The following GPM6B variants were observed in gnomAD, a reference collection of about 807,000 sequenced individuals.
GPM6B encodes glycoprotein M6B, also known as neuronal membrane glycoprotein M6-b.
A neutral mutation model predicts 27.2 loss-of-function variants in GPM6B; 4 were observed. That is an observed-to-expected ratio of 0.15 (90% CI 0.07 to 0.34). The LOEUF is 0.34. Ranked by LOEUF, GPM6B falls within the 10% of genes least tolerant of loss-of-function variation. GPM6B has a pLI of 1.00. For missense variants in GPM6B, 183 were observed against 261.9 expected (o/e 0.70, Z 2.08); for synonymous variants, 124 against 103.1 (o/e 1.20, Z -1.23).
At chrX:13,878,995 GC>G (rs2050068060) in intron 1 of GPM6B, among the ~76,000 whole-genome samples, 1 of 112,115 alleles carries the variant, frequency 8.9e-6, no homozygotes, top group African/African-American at 3.2e-5. Flanking sequence ...CTGGATTTTA[GC>G]CCAGTGAGAC....
chrX:13,829,813 T>C (rs754730032), intron 1 of GPM6B, among the ~76,000 whole-genome samples: 1 of 110,860 alleles, frequency 9.0e-6, no homozygotes, highest in South Asian at 3.9e-4. Context: ...ATCTGTAGGA[T>C]ATTGCTAACA....
intron 7 of GPM6B, 40 bp from the exon 8 acceptor site, chrX:13,773,070 T>C: frequency 8.6e-7 from 1 of 1,167,500 alleles, no homozygotes; most frequent in Non-Finnish European, 1.2e-6. Flanking sequence ...GTGAGCATTG[T>C]GAGAAGGCAA....
At chrX:13,799,641 C>A (rs1189257830) in intron 2 of GPM6B, among the ~76,000 whole-genome samples, 1 of 110,383 alleles carries the variant, frequency 9.1e-6, no homozygotes, top group Non-Finnish European at 1.9e-5. Context: ...AAGTGATCAT[C>A]ATTCAACACT....
At chrX:13,918,262 G>A (rs530499626) in intron 1 of GPM6B, among the ~76,000 whole-genome samples, 10 of 112,987 alleles carry the variant, frequency 8.9e-5, no homozygotes, top group African/African-American at 2.9e-4. Flanking sequence ...CGTGCACAAC[G>A]ACAGTTGGGA....
At chrX:13,930,767 T>C (rs772717486) in intron 1 of GPM6B, among the ~76,000 whole-genome samples, 8 of 112,516 alleles carry the variant, frequency 7.1e-5, no homozygotes, top group Non-Finnish European at 1.3e-4. Context: ...TTTACCAAAA[T>C]TGAAACAAAG....
At chrX:13,901,371 T>C (rs1294395302) in intron 1 of GPM6B, among the ~76,000 whole-genome samples, 1 of 110,685 alleles carries the variant, frequency 9.0e-6, no homozygotes, top group Non-Finnish European at 1.9e-5. Flanking sequence ...CAAGGTTTCA[T>C]CTGCTCTCAT....
chrX:13,895,669 G>A (rs1174457387), intron 1 of GPM6B, among the ~76,000 whole-genome samples: 1 of 111,575 alleles, frequency 9.0e-6, no homozygotes, highest in Non-Finnish European at 1.9e-5. Context: ...TAGAACATCA[G>A]CTGTAAAAAA....
chrX:13,918,753 A>C (rs1270013914), intron 1 of GPM6B, among the ~76,000 whole-genome samples: 1 of 111,370 alleles, frequency 9.0e-6, no homozygotes, highest in African/African-American at 3.3e-5. Context: ...CAGGCACCTA[A>C]CATGGCCAGA....
intron 1 of GPM6B, among the ~76,000 whole-genome samples, chrX:13,883,679 G>A (rs1217753110): frequency 1.2e-5 from 1 of 84,398 alleles, no homozygotes; most frequent in Non-Finnish European, 2.3e-5. Flanking sequence ...GGAACATAAC[G>A]AGACTTCGTC....
rs139756572 is a variant in GPM6B at position 13,906,393 on chromosome X, T to C, written c.-198+31934A>G. Among the ~76,000 whole-genome samples the C allele has an allele frequency of 7.3e-3, 822 of 112,288 alleles. 2 individuals carry two copies. The highest frequency in any genetic ancestry group is 0.011 in the Non-Finnish European group (577 of 53,252). On this transcript the variant is annotated intron_variant, in intron 1 of 6. Transcript: ENST00000398361. ...GGAATCCAGTATAGGTCTGGCTGTT[T>C]CTAGGACACCATGTCCCTATTGGGG...
At chrX:13,906,407 T>C (rs1218295625) in intron 1 of GPM6B, among the ~76,000 whole-genome samples, 1 of 112,199 alleles carries the variant, frequency 8.9e-6, no homozygotes. Context: ...GGACACCATG[T>C]CCCTATTGGG....
intron 1 of GPM6B, among the ~76,000 whole-genome samples, chrX:13,838,827 C>T (rs2049537171): frequency 9.0e-6 from 1 of 111,551 alleles, no homozygotes; most frequent in South Asian, 3.8e-4. Flanking sequence ...TGTCCCTCTC[C>T]CTCAGGCCTA....
intron 2 of GPM6B, among the ~76,000 whole-genome samples, chrX:13,806,410 T>A (rs1294664613): frequency 8.9e-6 from 1 of 112,003 alleles, no homozygotes; most frequent in African/African-American, 3.3e-5. Flanking sequence ...TGACTTTTTT[T>A]AAATCAAGAT....
chrX:13,780,657 C>T (rs180680998), intron 4 of GPM6B, among the ~76,000 whole-genome samples: 2 of 112,082 alleles, frequency 1.8e-5, no homozygotes, highest in East Asian at 5.6e-4. Context: ...AGCAAAGCAA[C>T]GGCTTAGGGA....
At chrX:13,911,772 G>GT (rs2050380597) in intron 1 of GPM6B, among the ~76,000 whole-genome samples, 1 of 112,175 alleles carries the variant, frequency 8.9e-6, no homozygotes, top group African/African-American at 3.2e-5. Flanking sequence ...ATCTTATTGG[G>GT]TATTTGCCTG....
chrX:13,836,898 G>C (rs750357315), intron 1 of GPM6B, among the ~76,000 whole-genome samples: 1 of 111,731 alleles, frequency 9.0e-6, no homozygotes, highest in South Asian at 3.8e-4. Flanking sequence ...GCTAAGGAGT[G>C]CTCACGAGGA....
intron 5 of GPM6B, among the ~76,000 whole-genome samples, chrX:13,778,727 A>G (rs1051303133): frequency 1.8e-5 from 2 of 112,101 alleles, no homozygotes; most frequent in African/African-American, 6.5e-5. Flanking sequence ...ATTTGTGGCA[A>G]AACACTTACT....
chrX:13,808,372 G>A (rs2049062844), intron 1 of GPM6B, among the ~76,000 whole-genome samples: 1 of 112,064 alleles, frequency 8.9e-6, no homozygotes, highest in African/African-American at 3.2e-5. Context: ...ATACAGAAAG[G>A]GCTACTGGTC....
intron 1 of GPM6B, among the ~76,000 whole-genome samples, chrX:13,923,116 C>T (rs767196768): frequency 1.2e-3 from 127 of 109,547 alleles, no homozygotes; most frequent in Non-Finnish European, 2.1e-3. Flanking sequence ...GCAGAGGTTG[C>T]AATAAGCTGA....
Sources: gnomAD v4.1 joint callset for allele counts (sites outside exome capture counted in the v4.1 genomes callset) on GRCh38, gnomAD v4.1.1 for gene constraint, MANE v1.5 for transcripts, NCBI Gene and HGNC (gene_info 2026-07-23, HGNC 2026-07-21) for gene names.